The following SYT1 variants were observed in gnomAD, a reference collection of about 807,000 sequenced individuals.
SYT1 encodes the protein synaptotagmin 1.
Under a neutral mutation model 44.8 loss-of-function variants are expected in SYT1, and 8 were observed. That is an observed-to-expected ratio of 0.18 (90% CI 0.10 to 0.32). SYT1 has a LOEUF of 0.32. Ranked by LOEUF, SYT1 falls within the 10% of genes least tolerant of loss-of-function variation. The pLI is 1.00. For missense variants in SYT1, 286 were observed against 509.3 expected (o/e 0.56, Z 4.22); for synonymous variants, 154 against 188.8 (o/e 0.82, Z 1.51).
intron 1 of SYT1, among the ~76,000 whole-genome samples, chr12:78,918,880 T>C (rs1348650173): frequency 2.6e-5 from 4 of 152,108 alleles, no homozygotes; most frequent in African/African-American, 9.7e-5. Context: ...GTTTATGACA[T>C]ACTAAATTAA....
At chr12:79,431,953 C>A (rs1018380427) in intron 9 of SYT1, among the ~76,000 whole-genome samples, 2 of 152,154 alleles carry the variant, frequency 1.3e-5, no homozygotes, top group Non-Finnish European at 2.9e-5. Flanking sequence ...AGCTATTTAT[C>A]TCCTTGATGT....
rs191275143 is a variant in SYT1, at chr12:79,195,571, C to T, written c.-17-21932C>T. Among the ~76,000 whole-genome samples the T allele has an allele frequency of 4.6e-4, 69 of 150,958 alleles. No homozygotes were observed. In the East Asian group the frequency reaches 0.012, roughly 25 times the overall value. ...CTGGGGTTGGAGAGTTTGAGAATAC[C>T]GAAGTTCAGAAACATGGGGACTATT... On this transcript the variant is annotated intron_variant, in intron 3 of 10. Transcript: ENST00000261205.
chr12:79,294,144 C>G (rs746844405), intron 6 of SYT1, among the ~76,000 whole-genome samples: 23 of 151,850 alleles, frequency 1.5e-4, no homozygotes, highest in Non-Finnish European at 3.2e-4. Flanking sequence ...AATTTTGAAG[C>G]TTTCAAGTTA....
intron 1 of SYT1, among the ~76,000 whole-genome samples, chr12:78,899,474 T>C (rs1478456094): frequency 6.6e-6 from 1 of 151,998 alleles, no homozygotes; most frequent in Admixed American, 6.6e-5. Context: ...GCATAATTTG[T>C]ATTAAATACA....
chr12:79,308,588 A>G (rs1316416849), intron 8 of SYT1, among the ~76,000 whole-genome samples: 55 of 122,166 alleles, frequency 4.5e-4, no homozygotes, highest in African/African-American at 1.6e-3. Flanking sequence ...GAAGGAAAAG[A>G]AAGAAGAAAG....
In SYT1 at chr12:79,397,610, A is replaced by G. The variant is rs185943166; in HGVS notation, c.928+43991A>G. ...TGCTGTGTGGAAGTTGGCCTGAAGAAGGAGGTCAACTTTGGAGGCAGGATC... is the reference window on the plus strand; with the variant it reads ...TGCTGTGTGGAAGTTGGCCTGAAGAGGGAGGTCAACTTTGGAGGCAGGATC... On this transcript the variant is annotated intron_variant, in intron 9 of 10. Transcript: ENST00000261205. Among the ~76,000 whole-genome samples the G allele has an allele frequency of 5.3e-5, 8 of 152,292 alleles. No individual in the cohort carries two copies. In the East Asian group the frequency reaches 1.5e-3, roughly 29 times the overall value.
chr12:78,990,902 A>C (rs1359441349), intron 2 of SYT1, among the ~76,000 whole-genome samples: 1 of 152,190 alleles, frequency 6.6e-6, no homozygotes, highest in Non-Finnish European at 1.5e-5. Context: ...ACGAAAGGCA[A>C]GGGATGGTGC....
chr12:79,103,178 C>T (rs1270121141), intron 3 of SYT1: 1 of 152,024 alleles, frequency 6.6e-6, no homozygotes, highest in South Asian at 2.1e-4. Context: ...TTTTTTATTA[C>T]CTATTACATT....
At chr12:78,969,263 A>C (rs979347687) in intron 1 of SYT1, among the ~76,000 whole-genome samples, 1 of 152,228 alleles carries the variant, frequency 6.6e-6, no homozygotes, top group Non-Finnish European at 1.5e-5. Flanking sequence ...CAAAGATTTT[A>C]GTATTTACAG....
At chr12:79,369,135 C>T (rs1213121270) in intron 9 of SYT1, among the ~76,000 whole-genome samples, 1 of 152,178 alleles carries the variant, frequency 6.6e-6, no homozygotes, top group Admixed American at 6.6e-5. Context: ...AGGAAACATC[C>T]TCTATGAAGC....
At position 79,362,104 on chromosome 12, in the gene SYT1, A is replaced by G. The variant is rs375276743; in HGVS notation, c.928+8485A>G. 4.6e-5 allele frequency among the ~76,000 whole-genome samples: 7 copies of G among 152,354 alleles called. 1 individual carries two copies. The highest frequency in any genetic ancestry group is 3.3e-4 in the Admixed American group (5 of 15,306). ...AACAAGAGAAATCTACAGATGAAGA[A>G]GTAGAAACAGGGAGTTCCAAAGAGG... On this transcript the variant is annotated intron_variant, in intron 9 of 10. Coordinates refer to ENST00000261205, the MANE Select transcript of SYT1 (RefSeq NM_005639.3).
chr12:79,383,663 G>C (rs957105929), intron 9 of SYT1, among the ~76,000 whole-genome samples: 1 of 152,122 alleles, frequency 6.6e-6, no homozygotes, highest in Non-Finnish European at 1.5e-5. Context: ...AATTTAATTA[G>C]ATTTGTTTGT....
At chr12:79,027,162 G>A (rs2137653540) in intron 2 of SYT1, among the ~76,000 whole-genome samples, 1 of 151,604 alleles carries the variant, frequency 6.6e-6, no homozygotes, top group Middle Eastern at 3.4e-3. Context: ...CTTCTCTCCA[G>A]GAAGTTTCTT....
intron 1 of SYT1, among the ~76,000 whole-genome samples, chr12:78,943,847 T>C (rs534914582): frequency 6.6e-6 from 1 of 152,290 alleles, no homozygotes; most frequent in East Asian, 1.9e-4. Context: ...CCTGATAAAA[T>C]GACATAAAAT....
intron 3 of SYT1, among the ~76,000 whole-genome samples, chr12:79,079,112 A>G (rs992482844): frequency 6.6e-6 from 1 of 152,184 alleles, no homozygotes; most frequent in Non-Finnish European, 1.5e-5. Context: ...TAACTAAAGA[A>G]TGAATAGAAA....
intron 9 of SYT1, among the ~76,000 whole-genome samples, chr12:79,421,580 T>C (rs915647672): frequency 2.0e-5 from 3 of 152,156 alleles, no homozygotes; most frequent in Admixed American, 6.6e-5. Context: ...TCTTTCATGA[T>C]AGAATATCTG....
intron 8 of SYT1, among the ~76,000 whole-genome samples, chr12:79,314,156 G>A (rs1365979533): frequency 7.9e-6 from 1 of 125,884 alleles, no homozygotes; most frequent in African/African-American, 3.1e-5. Context: ...GCGACAGAGC[G>A]AGACTCCGTC....
At chr12:79,108,192 G>A (rs974027896) in intron 3 of SYT1, among the ~76,000 whole-genome samples, 1 of 151,886 alleles carries the variant, frequency 6.6e-6, no homozygotes, top group African/African-American at 2.4e-5. Context: ...GTTTGATGGA[G>A]GGGTGAGGCT....
chr12:79,180,659 G>C (rs1301344826), intron 3 of SYT1, among the ~76,000 whole-genome samples: 1 of 151,808 alleles, frequency 6.6e-6, no homozygotes, highest in South Asian at 2.1e-4. Flanking sequence ...AGTGAAGGGG[G>C]AGGTGCCACA....
Sources: gnomAD v4.1 joint callset for allele counts (sites outside exome capture counted in the v4.1 genomes callset) on GRCh38, gnomAD v4.1.1 for gene constraint, MANE v1.5 for transcripts, NCBI Gene and HGNC (gene_info 2026-07-23, HGNC 2026-07-21) for gene names.